The following TFDP2 variants were observed in gnomAD, a reference collection of about 807,000 sequenced individuals.
The protein encoded by TFDP2 is transcription factor Dp-2.
A neutral mutation model predicts 59.3 loss-of-function variants in TFDP2; 17 were observed. That is an observed-to-expected ratio of 0.29 (90% confidence interval 0.20 to 0.43). TFDP2 has a LOEUF of 0.43. Among genes scored for constraint, TFDP2 ranks in the 20% least tolerant of loss-of-function variants. The pLI, the probability that TFDP2 is intolerant of heterozygous loss-of-function variation, is 1.00. For synonymous variants in TFDP2, 180 were observed against 194.7 expected (o/e 0.92, Z 0.63); for missense variants, 391 against 528.8 (o/e 0.74, Z 2.56).
Position 141,978,674 on chromosome 3 carries a change from C to T in TFDP2, c.365G>A (p.Ser122Asn), listed in dbSNP as rs1364622974. 6.2e-7 allele frequency: 1 copy of T among 1,604,720 alleles called. No individual in the cohort carries two copies. Among genetic ancestry groups the T allele is most frequent in the Non-Finnish European group, 8.5e-7 (1 of 1,177,510 alleles). The change falls in exon 7 of 13, where the codon AGC becomes AAC. Residue 122 changes from serine (S) to asparagine (N), a missense_variant. By Grantham distance (46) the Ser-to-Asn change is conservative. Transcript: ENST00000489671. ...TTTCCCATTTTTATCTCCTTTTTTG[C>T]TTCGTTTACTAGAAGGGAAAAAAGT... ...IDSDFSESKR[S>N]KKGDKNGKGL...
At chr3:142,003,848 CT>C (rs1944010964) in intron 4 of TFDP2, among the ~76,000 whole-genome samples, 2 of 152,196 alleles carry the variant, frequency 1.3e-5, no homozygotes, top group South Asian at 4.1e-4. Flanking sequence ...TTAGTTCAAA[CT>C]GACAATGGGA....
chr3:142,083,650 A>G (rs958379328), intron 3 of TFDP2, among the ~76,000 whole-genome samples: 2 of 152,228 alleles, frequency 1.3e-5, no homozygotes, highest in African/African-American at 2.4e-5. Context: ...TGGCAAAAAA[A>G]CAGACACATA....
intron 1 of TFDP2, among the ~76,000 whole-genome samples, chr3:142,133,228 G>T (rs1277410384): frequency 6.7e-6 from 1 of 149,832 alleles, no homozygotes; most frequent in Non-Finnish European, 1.5e-5. Flanking sequence ...ATTTTTTGAG[G>T]ATGTTTTGGA....
rs1339749107 is a variant in TFDP2, at chr3:141,951,778, G to A, written c.*735C>T. On this transcript the variant is annotated 3_prime_UTR_variant, in exon 13 of 13. Transcript: ENST00000489671. ...AGGCAGTGCTGGCAAAGTATTTAAT[G>A]CACATGGAAATGCTATTCTATTTTG... 3 of 152,648 alleles carry A rather than the reference G, an allele frequency of 2.0e-5. No homozygotes were observed. Among genetic ancestry groups the A allele is most frequent in the African/African-American group, 7.2e-5 (3 of 41,450 alleles). 9.5% of individuals were successfully genotyped at this position (152,648 alleles called of 1,614,324 possible).
At chr3:142,094,050 C>A in intron 2 of TFDP2, 1 of 409,014 alleles carries the variant, frequency 2.4e-6, no homozygotes, top group Non-Finnish European at 4.9e-6. Flanking sequence ...ATCCACTACA[C>A]TACTTGGCAT....
intron 3 of TFDP2, among the ~76,000 whole-genome samples, chr3:142,087,235 G>A (rs1355238703): frequency 2.6e-5 from 4 of 152,152 alleles, no homozygotes; most frequent in Non-Finnish European, 2.9e-5. Context: ...TCTGAGAAAT[G>A]CTTTGTTAGG....
chr3:142,072,880 T>C (rs189925246), intron 3 of TFDP2, among the ~76,000 whole-genome samples: 2 of 152,200 alleles, frequency 1.3e-5, no homozygotes, highest in Non-Finnish European at 2.9e-5. Context: ...ATTTAACTTA[T>C]GTAGAAACTC....
intron 1 of TFDP2, among the ~76,000 whole-genome samples, chr3:142,144,091 T>C (rs1388059081): frequency 1.6e-5 from 2 of 128,564 alleles, no homozygotes; most frequent in African/African-American, 2.5e-5. Flanking sequence ...ATGAGATCTA[T>C]GGCCAGGCAC....
In TFDP2 at chr3:141,948,542, A is replaced by C. The variant is rs1395621074; in HGVS notation, c.*3971T>G. On this transcript the variant is annotated 3_prime_UTR_variant, in exon 13 of 13. Coordinates refer to ENST00000489671, the MANE Select transcript of TFDP2 (RefSeq NM_001178139.2). ...TGGCGACAGAGCAAGACTCCGTCTC[A>C]AAAAAAAAAAAAAGCTAAATAGGCT... is the stretch of plus-strand genomic sequence containing the variant. The C allele has an allele frequency of 1.6e-5, 1 of 63,136 alleles. No individual in the cohort carries two copies. Among genetic ancestry groups the C allele is most frequent in the Non-Finnish European group, 3.6e-5 (1 of 27,528 alleles). The allele number at this position is 63,136 out of a possible 1,614,324, so 3.9% of individuals were successfully genotyped here. A position where few individuals can be genotyped will look rare whatever the true frequency, so the allele number is the denominator to read the frequency against.
intron 10 of TFDP2, among the ~76,000 whole-genome samples, chr3:141,961,270 G>A (rs1937330363): frequency 8.0e-6 from 1 of 124,224 alleles, no homozygotes; most frequent in Admixed American, 9.3e-5. Context: ...TTGAGACAGA[G>A]TCTTGCTCTG....
intron 3 of TFDP2, among the ~76,000 whole-genome samples, chr3:142,079,089 T>C (rs2060554711): frequency 2.0e-5 from 3 of 151,760 alleles, no homozygotes; most frequent in Admixed American, 2.0e-4. Flanking sequence ...GACAGGCTAT[T>C]TGAAAATACA....
At chr3:142,122,259 A>G (rs1179055749) in intron 1 of TFDP2, among the ~76,000 whole-genome samples, 1 of 152,218 alleles carries the variant, frequency 6.6e-6, no homozygotes, top group Admixed American at 6.5e-5. Context: ...CTTGGGTCCC[A>G]CATAACGATA....
At chr3:142,008,689 A>C (rs1944406208) in intron 3 of TFDP2, among the ~76,000 whole-genome samples, 1 of 152,122 alleles carries the variant, frequency 6.6e-6, no homozygotes, top group African/African-American at 2.4e-5. Context: ...CTACATATAC[A>C]TACATATACG....
chr3:142,016,394 G>A (rs1576716270), intron 3 of TFDP2, among the ~76,000 whole-genome samples: 1 of 151,034 alleles, frequency 6.6e-6, no homozygotes, highest in Non-Finnish European at 1.5e-5. Context: ...CACCTCCTGG[G>A]TTCAAGCAAT....
At chr3:141,997,383 TG>T (rs1410025307) in intron 4 of TFDP2, among the ~76,000 whole-genome samples, 3 of 151,986 alleles carry the variant, frequency 2.0e-5, no homozygotes, top group Non-Finnish European at 4.4e-5. Flanking sequence ...TAAAGAAAAA[TG>T]TGAGTTATTT....
At chr3:142,008,968 G>A (rs568151886) in intron 3 of TFDP2, among the ~76,000 whole-genome samples, 5 of 152,230 alleles carry the variant, frequency 3.3e-5, no homozygotes, top group East Asian at 1.9e-4. Flanking sequence ...TAGTGAAGCC[G>A]ACAGCTCCAC....
intron 4 of TFDP2, among the ~76,000 whole-genome samples, chr3:142,000,530 C>G: frequency 6.6e-6 from 1 of 152,264 alleles, no homozygotes; most frequent in African/African-American, 2.4e-5. Flanking sequence ...CCATTCAAAC[C>G]ACAGCATCCA....
intron 3 of TFDP2, among the ~76,000 whole-genome samples, chr3:142,014,575 G>T (rs6781340): frequency 0.61 from 93,014 of 151,780 alleles, 29,932 homozygotes; most frequent in East Asian, 0.78. Context: ...ATGTAACTTG[G>T]GCGAGTTCAT....
intron 3 of TFDP2, among the ~76,000 whole-genome samples, chr3:142,062,987 G>A (rs948918008): frequency 3.3e-5 from 5 of 152,250 alleles, no homozygotes; most frequent in Non-Finnish European, 5.9e-5. Flanking sequence ...TAGAGCACAA[G>A]GCATGCTTCT....
Sources: gnomAD v4.1 joint callset for allele counts (sites outside exome capture counted in the v4.1 genomes callset) on GRCh38, gnomAD v4.1.1 for gene constraint, MANE v1.5 for transcripts, NCBI Gene and HGNC (gene_info 2026-07-23, HGNC 2026-07-21) for gene names.